PCCB: variants seen among roughly 807,000 people sequenced by gnomAD.
PCCB encodes propionyl-CoA carboxylase subunit beta.
PCCB carries 43 observed loss-of-function variants against 60.7 expected under a neutral mutation model. The observed-to-expected ratio is 0.71, with a 90% CI of 0.55 to 0.91. The LOEUF (loss-of-function observed/expected upper bound fraction) is 0.91, where lower values mean the gene tolerates loss of function less well. Among genes scored for constraint, PCCB ranks in the 40% least tolerant of loss-of-function variants. The pLI is 0.00. For missense variants in PCCB, 766 were observed against 702.8 expected (o/e 1.09, Z -1.02); for synonymous variants, 276 against 255.9 (o/e 1.08, Z -0.75).
At chr3:136,321,080 T>C (rs748375267) in intron 10 of PCCB, among the ~76,000 whole-genome samples, 3 of 152,248 alleles carry the variant, frequency 2.0e-5, no homozygotes, top group Non-Finnish European at 4.4e-5. Context: ...GATGATCATG[T>C]GGTTTTTGTC....
Position 136,326,508 on chromosome 3 carries a change from C to T in PCCB, c.1091-295C>T, listed in dbSNP as rs564161695. On this transcript the variant is annotated intron_variant, in intron 10 of 14. Coordinates refer to ENST00000251654, the MANE Select transcript of PCCB (RefSeq NM_000532.5). Reference sequence around the variant, plus strand: ...AAGACCAGCCCTTGAATGCTGCCTCCCACTGATGGCTCCCTGCGGCAAGGC... The same window carrying T: ...AAGACCAGCCCTTGAATGCTGCCTCTCACTGATGGCTCCCTGCGGCAAGGC... The T allele has an allele frequency of 5.0e-4, 327 of 657,114 alleles. 1 individual carries two copies. Among genetic ancestry groups the T allele is most frequent in the South Asian group, 4.9e-3 (283 of 57,932 alleles). The allele number at this position is 657,114 out of a possible 1,614,324, so 40.7% of individuals were successfully genotyped here.
intron 5 of PCCB, among the ~76,000 whole-genome samples, chr3:136,274,334 G>A (rs188188818): frequency 2.6e-5 from 4 of 152,000 alleles, no homozygotes; most frequent in South Asian, 2.1e-4. Context: ...AGATTCCCTC[G>A]GCATTTGTTT....
intron 1 of PCCB, among the ~76,000 whole-genome samples, chr3:136,252,902 TGTTTTG>T (rs1941555750): frequency 1.2e-5 from 1 of 82,766 alleles, no homozygotes; most frequent in Non-Finnish European, 2.5e-5. Flanking sequence ...GCCTGTTTTT[TGTTTTG>T]TTTTTTTTTT....
intron 7 of PCCB, among the ~76,000 whole-genome samples, chr3:136,297,334 C>T (rs761804433): frequency 6.6e-6 from 1 of 152,136 alleles, no homozygotes; most frequent in Non-Finnish European, 1.5e-5. Flanking sequence ...AGAAAGGAGT[C>T]TGGTGGGATG....
At chr3:136,326,488 C>T (rs1219947294) in intron 10 of PCCB, 1 of 677,028 alleles carries the variant, frequency 1.5e-6, no homozygotes, top group African/African-American at 1.8e-5. Flanking sequence ...TCTCTAAGAC[C>T]AGCCCTTGAA....
intron 5 of PCCB, among the ~76,000 whole-genome samples, chr3:136,270,651 A>G (rs1388171502): frequency 1.3e-5 from 2 of 152,020 alleles, no homozygotes; most frequent in African/African-American, 4.8e-5. Flanking sequence ...GACTACAGGC[A>G]CACGCCACTA....
At chr3:136,301,177 C>T (rs1023007522) in intron 9 of PCCB, 66 bp downstream of exon 9, 1 of 1,316,614 alleles carries the variant, frequency 7.6e-7, no homozygotes, top group South Asian at 1.2e-5. Context: ...TGTGCTTCGG[C>T]TTAGTGAGGA....
At chr3:136,285,940 T>G (rs773363184) in intron 6 of PCCB, among the ~76,000 whole-genome samples, 11 of 152,222 alleles carry the variant, frequency 7.2e-5, no homozygotes, top group Non-Finnish European at 1.0e-4. Flanking sequence ...AAATACTAAG[T>G]CTTTTTTAAA....
At chr3:136,268,465 G>GTTTT (rs535168208) in intron 5 of PCCB, among the ~76,000 whole-genome samples, 3 of 133,234 alleles carry the variant, frequency 2.3e-5, no homozygotes, top group Admixed American at 7.7e-5. Flanking sequence ...CTCCAACTTG[G>GTTTT]TTTTTTTTTT....
At chr3:136,301,410 A>G (rs1338062840) in intron 9 of PCCB, among the ~76,000 whole-genome samples, 1 of 152,116 alleles carries the variant, frequency 6.6e-6, no homozygotes, top group Admixed American at 6.5e-5. Context: ...GGCCATGTCC[A>G]CAGAGTCTAG....
Position 136,285,552 on chromosome 3 carries a change from G to GTT in PCCB, c.654+1616_654+1617dup, listed in dbSNP as rs11421458. On this transcript the variant is annotated intron_variant, in intron 6 of 14. Transcript: ENST00000251654. ...GCTTTGTCCCCTAGACCACTAAATC[G>GTT]TTTTTTTTTTTTAAGGTCCTCAGTG... is the stretch of plus-strand genomic sequence containing the variant. Among the ~76,000 whole-genome samples the GTT allele has an allele frequency of 2.5e-3, 366 of 144,402 alleles. 6 individuals are homozygous for GTT. The East Asian group carries it at 0.048, about 19-fold the overall frequency. The allele number at this position is 144,402 out of a possible 152,430, so 94.7% of individuals were successfully genotyped here. A position where few individuals can be genotyped will look rare whatever the true frequency, so the allele number is the denominator to read the frequency against.
chr3:136,301,391 T>A (rs1560020905), intron 9 of PCCB, among the ~76,000 whole-genome samples: 1 of 151,982 alleles, frequency 6.6e-6, no homozygotes, highest in Non-Finnish European at 1.5e-5. Context: ...CTGAGGATCA[T>A]AAATTAGGGG....
At chr3:136,268,092 A>AGATATATATATATATATG (rs1431233108) in intron 5 of PCCB, among the ~76,000 whole-genome samples, 29 of 54,450 alleles carry the variant, frequency 5.3e-4, no homozygotes, top group Non-Finnish European at 8.5e-4. Flanking sequence ...GTGTAGATAT[A>AGATATATATATATATATG]TATATATATA....
At chr3:136,294,732 C>G (rs1431016928) in intron 7 of PCCB, among the ~76,000 whole-genome samples, 1 of 152,148 alleles carries the variant, frequency 6.6e-6, no homozygotes, top group African/African-American at 2.4e-5. Context: ...GCCTCAGCCT[C>G]TCTAGTAGCT....
At chr3:136,271,050 T>C (rs13068199) in intron 5 of PCCB, among the ~76,000 whole-genome samples, 1 of 152,222 alleles carries the variant, frequency 6.6e-6, no homozygotes, top group Non-Finnish European at 1.5e-5. Flanking sequence ...GTGCATAGTT[T>C]GCAAATATTT....
chr3:136,254,042 A>T (rs1278670048), intron 1 of PCCB, among the ~76,000 whole-genome samples: 1 of 151,836 alleles, frequency 6.6e-6, no homozygotes, highest in Non-Finnish European at 1.5e-5. Flanking sequence ...GGATTGCCTG[A>T]TTTTTGTTTG....
chr3:136,254,344 G>A (rs993661932), intron 1 of PCCB, among the ~76,000 whole-genome samples: 9 of 151,382 alleles, frequency 5.9e-5, no homozygotes, highest in Admixed American at 2.0e-4. Context: ...TCAGCCTCCC[G>A]AGTAGCTGGG....
intron 5 of PCCB, among the ~76,000 whole-genome samples, chr3:136,263,578 T>G (rs192440838): frequency 4.6e-5 from 7 of 152,220 alleles, no homozygotes; most frequent in Non-Finnish European, 4.4e-5. Context: ...GGCTTTTAAT[T>G]TTTGTTTTCA....
intron 10 of PCCB, among the ~76,000 whole-genome samples, chr3:136,320,562 T>C (rs890732800): frequency 3.3e-5 from 5 of 152,256 alleles, no homozygotes; most frequent in Admixed American, 6.5e-5. Context: ...GCAACTTTGC[T>C]GGGTTTATTA....
Sources: allele counts gnomAD v4.1 joint callset (sites outside exome capture counted in the v4.1 genomes callset), GRCh38; gene constraint gnomAD v4.1.1; transcripts MANE v1.5; gene names NCBI Gene and HGNC (gene_info 2026-07-23, HGNC 2026-07-21).